Variants in ANK2 observed in about 807,000 individuals in gnomAD.
ANK2 encodes the protein ankyrin 2, also known as ankyrin-2.
In ANK2, 83 loss-of-function variants were observed where a neutral mutation model predicts 360.5. The ratio of observed to expected loss-of-function variants is 0.23; its 90% confidence interval spans 0.19 to 0.28. The LOEUF (loss-of-function observed/expected upper bound fraction) is 0.28. ANK2 is among the 10% of genes least tolerant of loss of function. The pLI is 1.00. For synonymous variants in ANK2, 1,740 were observed against 1,759.5 expected, an observed-to-expected ratio of 0.99 and a Z score of 0.28; for missense variants, 4,201 against 4,795.7, an observed-to-expected ratio of 0.88 and a Z score of 3.66.
At chr4:112,886,431 G>A (rs2078364704) in intron 1 of ANK2, among the ~76,000 whole-genome samples, 1 of 152,108 alleles carries the variant, frequency 6.6e-6, no homozygotes, top group South Asian at 2.1e-4. Flanking sequence ...TAGGGAGGCC[G>A]AGGCGGGCAG....
At chr4:113,258,251 TGAA>T in intron 12 of ANK2, 59 bp from the exon 13 acceptor site, 2 of 1,588,572 alleles carry the variant, frequency 1.3e-6, no homozygotes, top group Non-Finnish European at 1.7e-6. Flanking sequence ...TTTATTTATC[TGAA>T]GAAGCCCCAA....
In ANK2 at chr4:113,356,665, C is replaced by T; in HGVS notation, c.8047C>T (p.Pro2683Ser). Residue 2683 changes from proline to serine, a missense_variant, in exon 38 of 46, where the codon CCA (proline) becomes TCA (serine). Physicochemically the swap from Pro to Ser is moderately conservative, Grantham distance 74. This residue lies in a region of ANK2 where 2,642 missense variants were observed against 2,714.5 expected (regional missense o/e 0.97). Coordinates refer to ENST00000357077, the MANE Select transcript of ANK2 (RefSeq NM_001148.6). ...LKKGADSGLL[P>S]EPVIRVQPPS... is the part of the protein sequence containing the mutation. The stretch of plus-strand genomic sequence containing the variant: ...AAAAGGTGCTGACTCAGGCCTTTTA[C>T]CAGAACCAGTGATTCGAGTACAACC... 6.2e-7 allele frequency: 1 copy of T among 1,614,088 alleles called. No homozygotes were observed. The highest frequency in any genetic ancestry group is 8.5e-7 in the Non-Finnish European group (1 of 1,179,980).
intron 2 of ANK2, among the ~76,000 whole-genome samples, chr4:112,995,517 TG>T (rs2048234669): frequency 6.6e-6 from 1 of 152,132 alleles, no homozygotes; most frequent in Admixed American, 6.6e-5. Context: ...GCATAGTTTG[TG>T]AATATTTTCT....
chr4:112,972,383 C>T (rs1264521258), intron 2 of ANK2, among the ~76,000 whole-genome samples: 3 of 152,024 alleles, frequency 2.0e-5, no homozygotes, highest in Admixed American at 2.0e-4. Context: ...TGTGATGTTC[C>T]CTTCCCTGTG....
intron 1 of ANK2, among the ~76,000 whole-genome samples, chr4:113,086,522 T>C (rs1338783993): frequency 1.3e-5 from 2 of 152,188 alleles, no homozygotes; most frequent in African/African-American, 4.8e-5. Flanking sequence ...TGCTGTGAAT[T>C]AAACAAAGTC....
At chr4:112,944,620 T>G (rs904193698) in intron 2 of ANK2, among the ~76,000 whole-genome samples, 4 of 152,166 alleles carry the variant, frequency 2.6e-5, no homozygotes, top group African/African-American at 9.7e-5. Flanking sequence ...TGGGTGGATA[T>G]CTAGGGTTTG....
chr4:112,946,037 A>G (rs540063323), intron 2 of ANK2, among the ~76,000 whole-genome samples: 10 of 152,294 alleles, frequency 6.6e-5, no homozygotes, highest in African/African-American at 2.2e-4. Context: ...GTCACTCTGC[A>G]AGTAATCATG....
intron 2 of ANK2, among the ~76,000 whole-genome samples, chr4:112,917,619 A>T (rs187421605): frequency 6.1e-4 from 93 of 152,372 alleles, no homozygotes; most frequent in African/African-American, 2.2e-3. Flanking sequence ...GATGACATAC[A>T]TATCTTGGGG....
At chr4:113,054,846 C>T (rs2154328984) in intron 1 of ANK2, among the ~76,000 whole-genome samples, 1 of 152,216 alleles carries the variant, frequency 6.6e-6, no homozygotes, top group African/African-American at 2.4e-5. Context: ...ATGTCTTCCT[C>T]TCTGTTTCTA....
chr4:112,958,015 C>T (rs945994237), intron 2 of ANK2, among the ~76,000 whole-genome samples: 3 of 151,298 alleles, frequency 2.0e-5, no homozygotes, highest in African/African-American at 7.3e-5. Flanking sequence ...GGCAGAGACG[C>T]TCCTCACTTC....
At chr4:113,305,824 T>C (rs943704482) in intron 23 of ANK2, among the ~76,000 whole-genome samples, 1 of 152,214 alleles carries the variant, frequency 6.6e-6, no homozygotes, top group Non-Finnish European at 1.5e-5. Context: ...GTAGTAATAG[T>C]GTATTGACAC....
intron 5 of ANK2, among the ~76,000 whole-genome samples, chr4:113,234,973 C>T (rs544043370): frequency 1.4e-4 from 22 of 152,118 alleles, no homozygotes; most frequent in Non-Finnish European, 1.3e-4. Flanking sequence ...GGTGAAGATC[C>T]GAGGTTAAAT....
intron 1 of ANK2, among the ~76,000 whole-genome samples, chr4:113,098,910 A>G (rs976321314): frequency 6.6e-6 from 1 of 151,996 alleles, no homozygotes; most frequent in African/African-American, 2.4e-5. Context: ...TCGTATGATC[A>G]TATAAGTGAA....
intron 1 of ANK2, among the ~76,000 whole-genome samples, chr4:113,078,783 A>T (rs980094594): frequency 2.0e-5 from 3 of 152,194 alleles, no homozygotes; most frequent in African/African-American, 7.2e-5. Context: ...AACAAAGTTT[A>T]AAAAAGGAGC....
intron 1 of ANK2, among the ~76,000 whole-genome samples, chr4:112,828,739 C>T (rs146248517): frequency 7.9e-4 from 121 of 152,350 alleles, no homozygotes; most frequent in African/African-American, 2.8e-3. Context: ...AGTAAACAGA[C>T]AACCTCCAGA....
chr4:112,903,867 A>G (rs900369308), intron 1 of ANK2, among the ~76,000 whole-genome samples: 2 of 152,174 alleles, frequency 1.3e-5, no homozygotes, highest in Admixed American at 1.3e-4. Flanking sequence ...CTTACCTGTA[A>G]AGGAGACTTA....
At chr4:112,925,093 C>T (rs539386816) in intron 2 of ANK2, among the ~76,000 whole-genome samples, 1 of 152,258 alleles carries the variant, frequency 6.6e-6, no homozygotes, top group East Asian at 1.9e-4. Flanking sequence ...CCGCCTCGGC[C>T]TTCCAAAGTG....
chr4:113,296,666 T>A (rs1004186907), intron 22 of ANK2, among the ~76,000 whole-genome samples: 4 of 152,184 alleles, frequency 2.6e-5, no homozygotes, highest in Non-Finnish European at 5.9e-5. Flanking sequence ...CTAACTTTAC[T>A]TTGTGAGATA....
At chr4:113,080,847 T>C (rs1205415257) in intron 1 of ANK2, among the ~76,000 whole-genome samples, 1 of 152,100 alleles carries the variant, frequency 6.6e-6, no homozygotes, top group African/African-American at 2.4e-5. Context: ...AGTGAAACCC[T>C]GGATGCATTG....
Sources: gnomAD v4.1 joint callset for allele counts (sites outside exome capture counted in the v4.1 genomes callset) on GRCh38, gnomAD v4.1.1 for gene constraint, gnomAD v4.1.1 regional missense constraint, MANE v1.5 for transcripts, NCBI Gene and HGNC (gene_info 2026-07-23, HGNC 2026-07-21) for gene names.